THSD4: variants seen among roughly 807,000 people sequenced by gnomAD.
THSD4 encodes thrombospondin type 1 domain containing 4.
THSD4 carries 69 observed loss-of-function variants against 119.0 expected under a neutral mutation model. That is an observed-to-expected ratio of 0.58 (90% CI 0.48 to 0.71). THSD4 has a LOEUF of 0.71. THSD4 is among the 30% of genes least tolerant of loss of function. The probability of loss-of-function intolerance (pLI) is 0.00; values close to 1 mark genes in which losing one functional copy is unlikely to be tolerated. For missense variants in THSD4, 1,393 were observed against 1,391.1 expected (o/e 1.00, Z -0.02); for synonymous variants, 524 against 540.4 (o/e 0.97, Z 0.42).
intron 1 of THSD4, among the ~76,000 whole-genome samples, chr15:71,097,573 A>AC (rs1475475468): frequency 2.0e-5 from 3 of 151,534 alleles, no homozygotes; most frequent in Admixed American, 6.6e-5. Context: ...CTCGAAAAAA[A>AC]AAAACAACAA....
At chr15:71,599,675 C>T (rs942701784) in intron 7 of THSD4, among the ~76,000 whole-genome samples, 1 of 152,184 alleles carries the variant, frequency 6.6e-6, no homozygotes, top group Non-Finnish European at 1.5e-5. Flanking sequence ...CTTCATAAAA[C>T]CTGATGAGGA....
intron 7 of THSD4, among the ~76,000 whole-genome samples, chr15:71,657,168 C>T (rs2140990395): frequency 6.6e-6 from 1 of 152,268 alleles, no homozygotes; most frequent in South Asian, 2.1e-4. Flanking sequence ...TCTGATTGCT[C>T]CTGTTAGACT....
Position 71,135,246 on chromosome 15 carries a change from T to C in THSD4, c.-79-6203T>C, listed in dbSNP as rs529790550. On this transcript the variant is annotated intron_variant, in intron 1 of 17. Transcript: ENST00000261862. The stretch of plus-strand genomic sequence containing the variant: ...GTGGGGGTAGGGGGGAGGGGTAGCA[T>C]TGGGAGATATACCTAATGCTAGATG... Among the ~76,000 whole-genome samples, 34 of 143,774 alleles carry C rather than the reference T, an allele frequency of 2.4e-4. No homozygotes were observed. In the East Asian group the frequency reaches 3.6e-3, roughly 15 times the overall value. The allele number at this position is 143,774 out of a possible 152,430, so 94.3% of individuals were successfully genotyped here.
intron 7 of THSD4, among the ~76,000 whole-genome samples, chr15:71,571,237 T>C (rs2049349308): frequency 6.6e-6 from 1 of 151,904 alleles, no homozygotes; most frequent in South Asian, 2.1e-4. Flanking sequence ...TTAAAACTTC[T>C]CTTGAGCCCA....
At chr15:71,462,123 A>G (rs899004292) in intron 7 of THSD4, among the ~76,000 whole-genome samples, 10 of 151,996 alleles carry the variant, frequency 6.6e-5, no homozygotes, top group African/African-American at 2.4e-4. Context: ...TCTTTTTCAT[A>G]TTGTCTTTTA....
At chr15:71,308,092 T>A (rs1332564821) in intron 6 of THSD4, among the ~76,000 whole-genome samples, 1 of 152,010 alleles carries the variant, frequency 6.6e-6, no homozygotes, top group East Asian at 1.9e-4. Context: ...TCCTCTACCC[T>A]CCAGCAAAAA....
intron 3 of THSD4, among the ~76,000 whole-genome samples, chr15:71,157,475 C>G (rs1274605533): frequency 2.0e-5 from 3 of 151,968 alleles, no homozygotes; most frequent in Admixed American, 6.6e-5. Context: ...TCAAAAGCCT[C>G]TCTTCTAGCT....
At chr15:71,449,472 C>T (rs1453397517) in intron 7 of THSD4, among the ~76,000 whole-genome samples, 1 of 152,104 alleles carries the variant, frequency 6.6e-6, no homozygotes, top group Non-Finnish European at 1.5e-5. Context: ...CTCTGCGCCT[C>T]AGAAAATATG....
At chr15:71,627,865 A>G (rs999792729) in intron 7 of THSD4, among the ~76,000 whole-genome samples, 1 of 152,178 alleles carries the variant, frequency 6.6e-6, no homozygotes, top group Non-Finnish European at 1.5e-5. Flanking sequence ...GGTTTTCACA[A>G]TGAACAGGAA....
At chr15:71,410,055 C>T (rs1173165879) in intron 6 of THSD4, among the ~76,000 whole-genome samples, 1 of 152,088 alleles carries the variant, frequency 6.6e-6, no homozygotes, top group Non-Finnish European at 1.5e-5. Context: ...TTACTGAGCA[C>T]CCTCTGTGTG....
intron 7 of THSD4, among the ~76,000 whole-genome samples, chr15:71,460,035 T>C (rs1046544225): frequency 1.3e-5 from 2 of 152,192 alleles, no homozygotes; most frequent in South Asian, 2.1e-4. Context: ...GCCACACTAA[T>C]GTCTATCCTA....
chr15:71,490,268 T>C (rs552235995), intron 7 of THSD4, among the ~76,000 whole-genome samples: 2 of 151,882 alleles, frequency 1.3e-5, no homozygotes, highest in East Asian at 3.9e-4. Flanking sequence ...CTACTAAAAA[T>C]ACAAAAATTA....
chr15:71,371,489 C>T (rs1340636397), intron 6 of THSD4, among the ~76,000 whole-genome samples: 1 of 152,152 alleles, frequency 6.6e-6, no homozygotes, highest in Non-Finnish European at 1.5e-5. Flanking sequence ...GACAAAATCT[C>T]TCAGCATTTG....
At chr15:71,634,999 C>T (rs1330388771) in intron 7 of THSD4, among the ~76,000 whole-genome samples, 1 of 152,194 alleles carries the variant, frequency 6.6e-6, no homozygotes, top group Admixed American at 6.5e-5. Context: ...AGCCTGATCC[C>T]ATTAAGACCG....
At chr15:71,507,458 C>T (rs12438934) in intron 7 of THSD4, among the ~76,000 whole-genome samples, 147,936 of 152,222 alleles carry the variant, frequency 0.97, 72,029 homozygotes, top group East Asian at 1. Context: ...AGGAAGTATA[C>T]TGAAAGGCCT....
At chr15:71,496,791 A>G (rs1041537305) in intron 7 of THSD4, among the ~76,000 whole-genome samples, 1 of 152,190 alleles carries the variant, frequency 6.6e-6, no homozygotes, top group Non-Finnish European at 1.5e-5. Flanking sequence ...AGTCTCTACC[A>G]TAAGCAATAC....
intron 7 of THSD4, among the ~76,000 whole-genome samples, chr15:71,639,513 G>A (rs2050813247): frequency 6.6e-6 from 1 of 152,162 alleles, no homozygotes; most frequent in Non-Finnish European, 1.5e-5. Context: ...CCCAGTTGTA[G>A]TCGTAAGAAT....
intron 7 of THSD4, among the ~76,000 whole-genome samples, chr15:71,545,257 CA>C (rs1233857873): frequency 6.6e-6 from 1 of 152,146 alleles, no homozygotes; most frequent in Non-Finnish European, 1.5e-5. Context: ...TTTTGTGACA[CA>C]GGGGCCATTG....
chr15:71,712,726 G>C (rs2052540635), intron 8 of THSD4, among the ~76,000 whole-genome samples: 1 of 152,114 alleles, frequency 6.6e-6, no homozygotes, highest in African/African-American at 2.4e-5. Context: ...AGGGTACATC[G>C]ATGAAATGGA....
Sources: allele counts gnomAD v4.1 joint callset (sites outside exome capture counted in the v4.1 genomes callset), GRCh38; gene constraint gnomAD v4.1.1; transcripts MANE v1.5; gene names NCBI Gene and HGNC (gene_info 2026-07-23, HGNC 2026-07-21).